Variants in BBS9 observed in about 807,000 individuals in gnomAD.
The protein encoded by BBS9 is Bardet-Biedl syndrome 9, also known as protein PTHB1.
In BBS9, 89 loss-of-function variants were observed where a neutral mutation model predicts 117.7. That is an observed-to-expected ratio of 0.76 (90% CI 0.64 to 0.90). The LOEUF is 0.90. Ranked by LOEUF, BBS9 falls within the 40% of genes least tolerant of loss-of-function variation. The pLI, the probability that BBS9 is intolerant of heterozygous loss-of-function variation, is 0.00. For missense variants in BBS9, 982 were observed against 1,042.2 expected (o/e 0.94, Z 0.80); for synonymous variants, 379 against 370.9 (o/e 1.02, Z -0.25).
intron 21 of BBS9, among the ~76,000 whole-genome samples, chr7:33,542,803 A>G (rs1321406898): frequency 1.2e-4 from 6 of 48,230 alleles, no homozygotes; most frequent in Non-Finnish European, 2.1e-4. Context: ...ACACACACAC[A>G]CACACACACA....
intron 19 of BBS9, among the ~76,000 whole-genome samples, chr7:33,396,698 C>CA (rs1828027144): frequency 3.3e-5 from 5 of 152,108 alleles, no homozygotes; most frequent in Admixed American, 3.3e-4. Context: ...ATAGCCAAGA[C>CA]AATTGTAAGC....
intron 19 of BBS9, among the ~76,000 whole-genome samples, chr7:33,460,692 C>A (rs975684157): frequency 6.6e-6 from 1 of 151,790 alleles, no homozygotes. Flanking sequence ...TCTATATCAT[C>A]AGAAGTTTTG....
At chr7:33,548,631 AACAG>A (rs1347700934) in intron 21 of BBS9, among the ~76,000 whole-genome samples, 1 of 151,934 alleles carries the variant, frequency 6.6e-6, no homozygotes, top group South Asian at 2.1e-4. Flanking sequence ...GTTTACCAAC[AACAG>A]ACAAACAGAG....
chr7:33,519,553 C>T (rs1848304026), intron 20 of BBS9, among the ~76,000 whole-genome samples: 1 of 150,086 alleles, frequency 6.7e-6, no homozygotes, highest in Non-Finnish European at 1.5e-5. Flanking sequence ...AAAGTTTCGC[C>T]CAACCAAACT....
chr7:33,170,677 A>T (rs1391330424), intron 4 of BBS9, among the ~76,000 whole-genome samples: 1 of 149,828 alleles, frequency 6.7e-6, no homozygotes, highest in Non-Finnish European at 1.5e-5. Context: ...CTGTTTGCGG[A>T]TGACATGATT....
At position 33,493,885 on chromosome 7, in the gene BBS9, A is replaced by G. The variant is rs552181812; in HGVS notation, c.2116-11578A>G. Among the ~76,000 whole-genome samples, 7 of 152,334 alleles carry G rather than the reference A, an allele frequency of 4.6e-5. No individual in the cohort carries two copies. The South Asian group carries it at 1.2e-3, about 27-fold the overall frequency. On this transcript the variant is annotated intron_variant, in intron 19 of 22. Transcript: ENST00000242067. The stretch of plus-strand genomic sequence containing the variant: ...CAATCCACATGTCTTTAATACCATT[A>G]ATTTTTGCCAGTGAACCAATTCTAA...
At position 33,152,760 on chromosome 7, in the gene BBS9, A is replaced by G; in HGVS notation, c.172A>G (p.Lys58Glu). The change falls in exon 3 of 23, where the codon AAA becomes GAA. Residue 58 changes from lysine (K) to glutamate (E), a missense_variant. Coordinates refer to ENST00000242067, the MANE Select transcript of BBS9 (RefSeq NM_198428.3). Reference protein sequence around the residue: ...YLRIFSPHPAKTGDGAQAEDL... With the variant: ...YLRIFSPHPAETGDGAQAEDL... ...AAGGATCTTTAGCCCCCATCCTGCA[A>G]AAACAGGAGATGGAGCTCAAGCCGA... 1 of 1,613,748 alleles carries G rather than the reference A, an allele frequency of 6.2e-7. No individual in the cohort carries two copies. Among genetic ancestry groups the G allele is most frequent in the Non-Finnish European group, 8.5e-7 (1 of 1,179,812 alleles).
chr7:33,377,170 T>C (rs1476007200), intron 17 of BBS9, among the ~76,000 whole-genome samples: 1 of 152,242 alleles, frequency 6.6e-6, no homozygotes, highest in African/African-American at 2.4e-5. Context: ...AGGGTTTTTA[T>C]AGATCTGGGT....
At chr7:33,290,254 C>T (rs959289439) in intron 9 of BBS9, among the ~76,000 whole-genome samples, 2 of 152,082 alleles carry the variant, frequency 1.3e-5, no homozygotes, top group Non-Finnish European at 2.9e-5. Context: ...TTTCCAAAAC[C>T]TTAGCAACGT....
intron 19 of BBS9, among the ~76,000 whole-genome samples, chr7:33,477,778 C>T (rs942056463): frequency 1.2e-4 from 18 of 152,124 alleles, no homozygotes; most frequent in African/African-American, 1.9e-4. Flanking sequence ...ATGGAATAGA[C>T]GCAGTGAGCT....
chr7:33,233,599 T>C (rs551170206), intron 5 of BBS9, among the ~76,000 whole-genome samples: 1 of 152,146 alleles, frequency 6.6e-6, no homozygotes, highest in Non-Finnish European at 1.5e-5. Context: ...ACTGGTATCG[T>C]ATAACTGGCA....
intron 9 of BBS9, among the ~76,000 whole-genome samples, chr7:33,280,269 G>C (rs911069771): frequency 6.6e-6 from 1 of 152,128 alleles, no homozygotes; most frequent in Non-Finnish European, 1.5e-5. Context: ...TACAGATTCT[G>C]TCACCCGGGT....
At position 33,231,428 on chromosome 7, in the gene BBS9, C is replaced by CTTTTTTTTTTTTTTTTTT. The variant is rs35407590; in HGVS notation, c.443-25791_443-25790insTTTTTTTTTTTTTTTTTT. ...TATTCTGTTCCTCTGGCCTATGTGT[C>CTTTTTTTTTTTTTTTTTT]TTTTTTTTTTTTTTTTTGCCAGGAC... On this transcript the variant is annotated intron_variant, in intron 5 of 22. Coordinates refer to ENST00000242067, the MANE Select transcript of BBS9 (RefSeq NM_198428.3). Among the ~76,000 whole-genome samples, 129 of 106,344 alleles carry CTTTTTTTTTTTTTTTTTT rather than the reference C, an allele frequency of 1.2e-3. 2 individuals are homozygous for CTTTTTTTTTTTTTTTTTT. Among genetic ancestry groups the CTTTTTTTTTTTTTTTTTT allele is most frequent in the Non-Finnish European group, 2.0e-3 (104 of 51,768 alleles). 69.8% of individuals were successfully genotyped at this position (106,344 alleles called of 152,430 possible).
intron 9 of BBS9, among the ~76,000 whole-genome samples, chr7:33,303,208 A>G (rs1288590535): frequency 6.6e-6 from 1 of 152,214 alleles, no homozygotes; most frequent in Non-Finnish European, 1.5e-5. Context: ...ATTGTCTGCC[A>G]ATAAGGATAA....
intron 21 of BBS9, among the ~76,000 whole-genome samples, chr7:33,600,253 AG>A (rs1163024030): frequency 6.6e-6 from 1 of 152,196 alleles, no homozygotes; most frequent in Non-Finnish European, 1.5e-5. Flanking sequence ...AGCAATTGAA[AG>A]GGCTTTTTTA....
intron 21 of BBS9, among the ~76,000 whole-genome samples, chr7:33,613,801 G>A (rs972068060): frequency 2.0e-5 from 3 of 151,962 alleles, no homozygotes; most frequent in African/African-American, 7.2e-5. Flanking sequence ...AAGGCTTCTT[G>A]TCCCCAGTCC....
chr7:33,635,550 C>T (rs1056122278), exon 22 of BBS9, among the ~76,000 whole-genome samples: 3 of 152,334 alleles, frequency 2.0e-5, no homozygotes, highest in East Asian at 1.9e-4. Flanking sequence ...CAACAAACCC[C>T]GCCTTGTTTT....
At chr7:33,242,203 T>TA (rs1794640260) in intron 5 of BBS9, among the ~76,000 whole-genome samples, 1 of 151,672 alleles carries the variant, frequency 6.6e-6, no homozygotes, top group South Asian at 2.1e-4. Context: ...CTAGGATAGA[T>TA]TTTTTTTTCC....
chr7:33,307,294 C>T (rs1171956462), intron 9 of BBS9, among the ~76,000 whole-genome samples: 1 of 152,104 alleles, frequency 6.6e-6, no homozygotes, highest in African/African-American at 2.4e-5. Context: ...ATAGTGGTAG[C>T]AGAAGTAATT....
Sources: gnomAD v4.1 joint callset for allele counts (sites outside exome capture counted in the v4.1 genomes callset) on GRCh38, gnomAD v4.1.1 for gene constraint, MANE v1.5 for transcripts, NCBI Gene and HGNC (gene_info 2026-07-23, HGNC 2026-07-21) for gene names.